MOV10L1: variants seen among roughly 807,000 people sequenced by gnomAD.
The protein encoded by MOV10L1 is Mov10 like RNA helicase 1.
A neutral mutation model predicts 143.8 loss-of-function variants in MOV10L1; 110 were observed. The ratio of observed to expected loss-of-function variants is 0.76; its 90% CI spans 0.66 to 0.90. The LOEUF (loss-of-function observed/expected upper bound fraction) is 0.90, where lower values mean the gene tolerates loss of function less well. Ranked by LOEUF, MOV10L1 falls within the 40% of genes least tolerant of loss-of-function variation. MOV10L1 has a pLI of 0.00. For missense variants in MOV10L1, 1,406 were observed against 1,526.8 expected, an observed-to-expected ratio of 0.92 and a Z score of 1.32; for synonymous variants, 593 against 581.1, an observed-to-expected ratio of 1.02 and a Z score of -0.29.
rs917777459 is a variant in MOV10L1 at position 50,150,539 on chromosome 22, C to T, written c.2728-196C>T. On this transcript the variant is annotated intron_variant, in intron 20 of 26. Transcript: ENST00000262794. ...GGCAGGACTTCGGGGAGGCAGATGG[C>T]AGGACTTCAGGGGGAAGCGGGGAGA... Among the ~76,000 whole-genome samples the T allele has an allele frequency of 2.0e-5, 3 of 152,218 alleles. No individual in the cohort carries two copies. In the South Asian group the frequency reaches 6.2e-4, roughly 31 times the overall value.
At position 50,108,839 on chromosome 22, in the gene MOV10L1, G is replaced by T. The variant is rs375784034; in HGVS notation, c.738G>T (p.Lys246Asn). The change falls in exon 5 of 27, where the codon AAG becomes AAT. Residue 246 changes from lysine to asparagine, a missense_variant. Lys to Asn is a moderately conservative substitution (Grantham distance 94). Transcript: ENST00000262794. ...VWRALCMTLV[K>N]RRDAAPVHEA... ...GGGCACTTTGTATGACCCTAGTGAAGAGGCGGTAAGAAAATGCTTTTCTGG... is the reference window on the plus strand; with the variant it reads ...GGGCACTTTGTATGACCCTAGTGAATAGGCGGTAAGAAAATGCTTTTCTGG... The T allele has an allele frequency of 6.2e-7, 1 of 1,613,904 alleles. No individual in the cohort carries two copies. The highest frequency in any genetic ancestry group is 8.5e-7 in the Non-Finnish European group (1 of 1,179,850).
chr22:50,150,191 G>A (rs1196778221), intron 20 of MOV10L1, among the ~76,000 whole-genome samples: 1 of 152,202 alleles, frequency 6.6e-6, no homozygotes, highest in Non-Finnish European at 1.5e-5. Context: ...GCTCATCCAG[G>A]CGAGCTCATC....
intron 2 of MOV10L1, among the ~76,000 whole-genome samples, chr22:50,098,038 T>C (rs1036007248): frequency 1.3e-5 from 2 of 152,112 alleles, no homozygotes; most frequent in Non-Finnish European, 2.9e-5. Flanking sequence ...GGTTTCACCA[T>C]GTTGACCAGG....
chr22:50,151,395 C>T (rs1477086847), intron 21 of MOV10L1, among the ~76,000 whole-genome samples: 1 of 152,234 alleles, frequency 6.6e-6, no homozygotes, highest in Non-Finnish European at 1.5e-5. Flanking sequence ...CTGTAGCCCA[C>T]AGAAAAACAG....
At chr22:50,115,068 T>G in intron 7 of MOV10L1, 46 bp from the exon 8 acceptor site, 1 of 1,536,394 alleles carries the variant, frequency 6.5e-7, no homozygotes, top group Non-Finnish European at 8.8e-7. Context: ...CTGTTAGAGA[T>G]AATTTACCTT....
At chr22:50,098,218 G>GTATTAAGATTAACATCTTAATAA (rs2062640863) in intron 2 of MOV10L1, among the ~76,000 whole-genome samples, 1 of 128,044 alleles carries the variant, frequency 7.8e-6, no homozygotes, top group Non-Finnish European at 1.5e-5. Flanking sequence ...TAATAATTAA[G>GTATTAAGATTAACATCTTAATAA]TATTAAGATT....
At chr22:50,150,632 T>C in intron 20 of MOV10L1, 103 bp from the exon 21 acceptor site, 2 of 1,321,276 alleles carry the variant, frequency 1.5e-6, no homozygotes, top group Non-Finnish European at 2.1e-6. Context: ...GCAGCAAGAG[T>C]GAGCATGGGG....
chr22:50,137,798 A>AT (rs1310147604), intron 15 of MOV10L1, among the ~76,000 whole-genome samples: 8 of 98,634 alleles, frequency 8.1e-5, no homozygotes, highest in African/African-American at 1.6e-4. Flanking sequence ...AAATATACAT[A>AT]TTTTATATAT....
chr22:50,094,261 A>C (rs2062530278), intron 2 of MOV10L1: 1 of 151,986 alleles, frequency 6.6e-6, no homozygotes, highest in Admixed American at 6.6e-5. Context: ...TTCTTTTTAT[A>C]GTTCAATAGT....
At chr22:50,140,010 G>A (rs1317545044) in intron 15 of MOV10L1, among the ~76,000 whole-genome samples, 1 of 152,162 alleles carries the variant, frequency 6.6e-6, no homozygotes, top group East Asian at 1.9e-4. Context: ...AAGACATAAG[G>A]CCACGTGAGG....
At chr22:50,127,985 G>C (rs1295803718) in intron 12 of MOV10L1, among the ~76,000 whole-genome samples, 1 of 152,082 alleles carries the variant, frequency 6.6e-6, no homozygotes, top group Non-Finnish European at 1.5e-5. Flanking sequence ...TGGCCAGGCT[G>C]GTCTCAAACT....
intron 5 of MOV10L1, 137 bp from the exon 6 acceptor site, chr22:50,113,511 T>A: frequency 8.4e-7 from 1 of 1,190,954 alleles, no homozygotes; most frequent in African/African-American, 1.5e-5. Context: ...CTTAGAAACC[T>A]AAGTCTGTGG....
At chr22:50,101,107 AAT>A (rs1202399072) in intron 3 of MOV10L1, among the ~76,000 whole-genome samples, 1 of 152,094 alleles carries the variant, frequency 6.6e-6, no homozygotes, top group Non-Finnish European at 1.5e-5. Context: ...TTGGAAGATG[AAT>A]AGAAGTTTTC....
intron 24 of MOV10L1, among the ~76,000 whole-genome samples, chr22:50,160,220 C>T (rs377653982): frequency 6.6e-6 from 1 of 151,012 alleles, no homozygotes; most frequent in African/African-American, 2.4e-5. Flanking sequence ...CCCCTTCTCC[C>T]CCTCCCCCCA....
intron 18 of MOV10L1, among the ~76,000 whole-genome samples, chr22:50,144,823 T>C (rs138265): frequency 0.74 from 111,784 of 151,156 alleles, 41,661 homozygotes; most frequent in Admixed American, 0.79. Flanking sequence ...CCTCATGATC[T>C]GCCCGCCTCG....
intron 8 of MOV10L1, among the ~76,000 whole-genome samples, chr22:50,116,018 C>A (rs1004149868): frequency 6.6e-6 from 1 of 152,216 alleles, no homozygotes; most frequent in Non-Finnish European, 1.5e-5. Context: ...CCTCCAGCTC[C>A]CTGTGTCCCT....
intron 17 of MOV10L1, 30 bp from the exon 18 acceptor site, chr22:50,144,067 G>A (rs764124253): frequency 5.0e-6 from 8 of 1,592,408 alleles, no homozygotes; most frequent in South Asian, 1.1e-5. Flanking sequence ...TGGATGTTGA[G>A]CCTTGGTCTC....
At chr22:50,107,995 AT>A (rs1177648299) in intron 3 of MOV10L1, 140 bp from the exon 4 acceptor site, 1 of 701,734 alleles carries the variant, frequency 1.4e-6, no homozygotes, top group East Asian at 2.7e-5. Flanking sequence ...ATTCGAAAAT[AT>A]GTTTCTCACA....
chr22:50,154,027 G>A (rs1198905499), intron 22 of MOV10L1, among the ~76,000 whole-genome samples: 2 of 152,208 alleles, frequency 1.3e-5, no homozygotes, highest in South Asian at 2.1e-4. Flanking sequence ...GTTGCTCTTC[G>A]TAAGTTCCTG....
Sources: gnomAD v4.1 joint callset for allele counts (sites outside exome capture counted in the v4.1 genomes callset) on GRCh38, gnomAD v4.1.1 for gene constraint, MANE v1.5 for transcripts, NCBI Gene and HGNC (gene_info 2026-07-23, HGNC 2026-07-21) for gene names.